The following GRSF1 variants were observed in gnomAD, a reference collection of about 807,000 sequenced individuals.
GRSF1 encodes G-rich RNA sequence binding factor 1.
Under a neutral mutation model 51.1 loss-of-function variants are expected in GRSF1, and 50 were observed. The observed-to-expected ratio is 0.98, with a 90% CI of 0.78 to 1.24. The LOEUF (loss-of-function observed/expected upper bound fraction) is 1.24, where lower values mean the gene tolerates loss of function less well. Among genes scored for constraint, GRSF1 ranks in the 50% most tolerant of loss-of-function variants. The pLI, the probability that GRSF1 is intolerant of heterozygous loss-of-function variation, is 0.00. For synonymous variants in GRSF1, 293 were observed against 253.3 expected, an observed-to-expected ratio of 1.16 and a Z score of -1.49; for missense variants, 700 against 639.7, an observed-to-expected ratio of 1.09 and a Z score of -1.02.
upstream of GRSF1, among the ~76,000 whole-genome samples, chr4:70,840,161 T>C (rs1039241053): frequency 3.6e-5 from 3 of 82,306 alleles, no homozygotes; most frequent in South Asian, 1.1e-3. Flanking sequence ...GCCCATGGTT[T>C]GGGCGGGGCT....
chr4:70,832,392 A>C lies in GRSF1; in HGVS notation c.729T>G (p.Ser243=). Residue 243 remains serine, a synonymous_variant, in exon 4 of 10, where the codon TCT becomes TCG. Coordinates refer to ENST00000254799, the MANE Select transcript of GRSF1 (RefSeq NM_002092.4). ...DALMKSLQVK[S]SPVVNDGVVR... is the part of the protein sequence containing the mutation. ...CCACACCATCATTTACCACAGGCGA[A>C]GATTTGACCTGCAAGCTCTTCATTA... 6.2e-7 allele frequency: 1 copy of C among 1,611,898 alleles called. No homozygotes were observed. Among genetic ancestry groups the C allele is most frequent in the Non-Finnish European group, 8.5e-7 (1 of 1,177,978 alleles).
intron 1 of GRSF1, among the ~76,000 whole-genome samples, 153 bp from the exon 2 acceptor site, chr4:70,836,467 T>G (rs1309777890): frequency 6.6e-6 from 1 of 152,272 alleles, no homozygotes. Context: ...CATCCTGTTT[T>G]GGCTTAAATT....
chr4:70,839,062 G>T (rs968723786), intron 1 of GRSF1: 15 of 1,160,340 alleles, frequency 1.3e-5, no homozygotes, highest in African/African-American at 9.7e-5. Flanking sequence ...CCTAGCGCTC[G>T]GGCTGCACGG....
intron 1 of GRSF1, among the ~76,000 whole-genome samples, chr4:70,837,082 G>C (rs1275801719): frequency 6.6e-6 from 1 of 152,166 alleles, no homozygotes; most frequent in East Asian, 1.9e-4. Flanking sequence ...AGGACGCCTT[G>C]GGAATATTCC....
intron 2 of GRSF1, 86 bp downstream of exon 2, chr4:70,836,072 A>C: frequency 1.3e-6 from 1 of 772,940 alleles, no homozygotes; most frequent in Non-Finnish European, 1.9e-6. Flanking sequence ...ACTCAGACAA[A>C]ATTACATACT....
intron 7 of GRSF1, 196 bp downstream of exon 7, chr4:70,825,923 CTCTGT>C (rs1447549318): frequency 4.0e-6 from 2 of 500,050 alleles, no homozygotes; most frequent in African/African-American, 4.1e-5. Flanking sequence ...CAGAGCGAGA[CTCTGT>C]CACAAAAAAA....
At chr4:70,838,891 G>C (rs1734334899) in intron 1 of GRSF1, 1 of 331,688 alleles carries the variant, frequency 3.0e-6, no homozygotes, top group Non-Finnish European at 5.9e-6. Context: ...TGGAGTTGCA[G>C]AGGTGACCTT....
Position 70,827,912 on chromosome 4 carries a change from C to A in GRSF1, c.1075G>T (p.Glu359Ter). The part of the protein sequence containing the change: ...YITEPEMVFE[E>*]HEVNEDIQPM... ...TGAATATCCTCATTTACTTCATGTT[C>A]TTCAAAGACCATTTCTGGCTCAGTT... is the stretch of plus-strand genomic sequence containing the variant. Residue 359 changes from glutamate to a stop codon, truncating the protein, a stop_gained, in exon 6 of 10, where the codon GAA becomes TAA. Coordinates refer to ENST00000254799, the MANE Select transcript of GRSF1 (RefSeq NM_002092.4). LOFTEE classifies it high-confidence loss of function. 1 of 1,613,322 alleles carries A rather than the reference C, an allele frequency of 6.2e-7. No individual in the cohort carries two copies. The highest frequency in any genetic ancestry group is 8.5e-7 in the Non-Finnish European group (1 of 1,179,482).
intron 9 of GRSF1, 27 bp from the exon 10 acceptor site, chr4:70,820,888 C>T (rs532195665): frequency 6.6e-6 from 1 of 152,500 alleles, no homozygotes; most frequent in African/African-American, 2.4e-5. Flanking sequence ...AAATATTGTA[C>T]ATTTACTCAA....
chr4:70,834,076 C>T (rs914192803), intron 2 of GRSF1, among the ~76,000 whole-genome samples: 7 of 152,000 alleles, frequency 4.6e-5, no homozygotes, highest in East Asian at 3.9e-4. Flanking sequence ...CTGGCCAACA[C>T]GGCAAAACCC....
rs879426877 is a variant in GRSF1, at chr4:70,839,498, GGCC to G, written c.327_329del (p.Ala111del). ...GGCTGTAGCTGCGCGTCGGGACGGCGGCCGCCGCCGCCAGCGACTGCGGCAGCA... is the reference window on the plus strand; with the variant it reads ...GGCTGTAGCTGCGCGTCGGGACGGCGGCCGCCGCCAGCGACTGCGGCAGCA... On this transcript the variant is annotated inframe_deletion, in exon 1 of 10. Coordinates refer to ENST00000254799, the MANE Select transcript of GRSF1 (RefSeq NM_002092.4). 8 of 1,423,814 alleles carry G rather than the reference GGCC, an allele frequency of 5.6e-6. No homozygotes were observed. The highest frequency in any genetic ancestry group is 3.1e-5 in the Admixed American group (1 of 32,414). 88.2% of individuals were successfully genotyped at this position (1,423,814 alleles called of 1,614,324 possible).
In GRSF1 at chr4:70,825,390, G is replaced by A; in HGVS notation, c.1299C>T (p.Tyr433=). Residue 433 remains tyrosine (Y), a synonymous_variant, in exon 8 of 10, where the codon TAC becomes TAT. Coordinates refer to ENST00000254799, the MANE Select transcript of GRSF1 (RefSeq NM_002092.4). ...CTCCAGTGGCCTTCCCACTGGAGCT[G>A]TATTCCATGGTGATTCTAACAGGCT... ...PLKPVRITME[Y]SSSGKATGEA... The A allele has an allele frequency of 6.2e-7, 1 of 1,611,660 alleles. No individual in the cohort carries two copies. Among genetic ancestry groups the A allele is most frequent in the Non-Finnish European group, 8.5e-7 (1 of 1,178,386 alleles).
chr4:70,834,900 G>T (rs1734133953), intron 2 of GRSF1, among the ~76,000 whole-genome samples: 1 of 152,084 alleles, frequency 6.6e-6, no homozygotes, highest in African/African-American at 2.4e-5. Context: ...TGGGATTACA[G>T]GCGTGAGCCA....
chr4:70,833,557 T>C (rs908374091), intron 2 of GRSF1, among the ~76,000 whole-genome samples: 4 of 152,232 alleles, frequency 2.6e-5, no homozygotes, highest in South Asian at 2.1e-4. Flanking sequence ...ATTATTTCTA[T>C]TGCAATGTTT....
chr4:70,833,545 T>A (rs1277416501), intron 2 of GRSF1, among the ~76,000 whole-genome samples: 2 of 152,152 alleles, frequency 1.3e-5, no homozygotes, highest in Non-Finnish European at 2.9e-5. Context: ...AACACAAAAT[T>A]CATTATTTCT....
At chr4:70,830,801 C>G (rs1191595935) in intron 5 of GRSF1, among the ~76,000 whole-genome samples, 1 of 150,238 alleles carries the variant, frequency 6.7e-6, no homozygotes, top group African/African-American at 2.5e-5. Context: ...CCAGCCTAGG[C>G]GGCAGAGTGA....
At chr4:70,825,594 C>A in intron 7 of GRSF1, 163 bp from the exon 8 acceptor site, 1 of 459,364 alleles carries the variant, frequency 2.2e-6, no homozygotes, top group African/African-American at 2.0e-5. Context: ...TCTAGTATGT[C>A]TTCTGGCTTT....
chr4:70,839,007 C>T (rs1578312148), intron 1 of GRSF1: 1 of 549,530 alleles, frequency 1.8e-6, no homozygotes, highest in East Asian at 6.9e-5. Flanking sequence ...TGTGCGCGCA[C>T]CTTCCCAGCA....
rs376559778 is a variant in GRSF1, at chr4:70,825,372, G to A, written c.1317C>T (p.Ala439=). The A allele has an allele frequency of 1.3e-4, 209 of 1,611,452 alleles. No individual in the cohort carries two copies. The highest frequency in any genetic ancestry group is 1.6e-4 in the Middle Eastern group (1 of 6,078). Residue 439 remains alanine (A), a synonymous_variant, in exon 8 of 10, where the codon GCC becomes GCT. Coordinates refer to ENST00000254799, the MANE Select transcript of GRSF1 (RefSeq NM_002092.4). ...CAAAGTGCACATCAGCTTCTCCAGT[G>A]GCCTTCCCACTGGAGCTGTATTCCA... ...ITMEYSSSGK[A]TGEADVHFET... is the part of the protein sequence containing the mutation.
Sources: allele counts gnomAD v4.1 joint callset (sites outside exome capture counted in the v4.1 genomes callset), GRCh38; gene constraint gnomAD v4.1.1; transcripts MANE v1.5; gene names NCBI Gene and HGNC (gene_info 2026-07-23, HGNC 2026-07-21).